The following PAH variants were observed in gnomAD, a reference collection of about 807,000 sequenced individuals.
PAH encodes the protein phenylalanine hydroxylase.
Under a neutral mutation model 62.0 loss-of-function variants are expected in PAH, and 64 were observed. The ratio of observed to expected loss-of-function variants is 1.03; its 90% CI spans 0.84 to 1.27. PAH has a LOEUF of 1.27. PAH is among the 50% of genes most tolerant of loss of function. The pLI is 0.00. For synonymous variants in PAH, 195 were observed against 196.2 expected, an observed-to-expected ratio of 0.99 and a Z score of 0.05; for missense variants, 579 against 542.8, an observed-to-expected ratio of 1.07 and a Z score of -0.66.
At chr12:102,921,540 AT>A (rs1403689508), upstream of PAH, among the ~76,000 whole-genome samples, 1 of 152,206 alleles carries the variant, frequency 6.6e-6, no homozygotes, top group Admixed American at 6.5e-5. Flanking sequence ...TAACAAGTCC[AT>A]CCTTTTAAAA....
chr12:102,855,194 G>C lies in PAH; in HGVS notation c.648C>G (p.Tyr216Ter), dbSNP rs62509013. Residue 216 changes from tyrosine to a stop codon, truncating the protein, a stop_gained, in exon 6 of 13, where the codon TAC (tyrosine) becomes TAG (stop). Transcript: ENST00000553106. LOFTEE classifies it high-confidence loss of function. ...GAATGTTATCTTCATGGAAGCCACA[G>C]TACTTTTCAAGAAGTGGAAAAATGT... ...YNHIFPLLEK[Y>*]CGFHEDNIPQ... 8.7e-6 allele frequency: 14 copies of C among 1,614,156 alleles called. No individual in the cohort carries two copies. The highest frequency in any genetic ancestry group is 1.1e-5 in the Non-Finnish European group (13 of 1,179,982).
intron 4 of PAH, among the ~76,000 whole-genome samples, chr12:102,868,130 A>G (rs1393084856): frequency 2.5e-3 from 16 of 6,368 alleles, no homozygotes; most frequent in South Asian, 5.7e-3. Context: ...ATATGTGTAT[A>G]TATATATATA....
intron 3 of PAH, among the ~76,000 whole-genome samples, chr12:102,884,243 G>T (rs1876937928): frequency 1.3e-5 from 2 of 152,240 alleles, no homozygotes; most frequent in Non-Finnish European, 2.9e-5. Flanking sequence ...CAAAGCCTGA[G>T]GAACAAGACC....
intron 1 of PAH, among the ~76,000 whole-genome samples, chr12:102,956,295 G>T (rs960852704): frequency 6.6e-6 from 1 of 152,230 alleles, no homozygotes; most frequent in Non-Finnish European, 1.5e-5. Flanking sequence ...GGGGCCTATT[G>T]CTTGGTCTGC....
At chr12:102,847,018 T>C in intron 8 of PAH, 67 bp from the exon 9 acceptor site, 1 of 1,387,218 alleles carries the variant, frequency 7.2e-7, no homozygotes, top group Non-Finnish European at 1.0e-6. Flanking sequence ...AACCTAGTAC[T>C]TGGCCATAAA....
At chr12:102,858,520 T>A (rs1396263395) in intron 5 of PAH, among the ~76,000 whole-genome samples, 1 of 152,272 alleles carries the variant, frequency 6.6e-6, no homozygotes, top group African/African-American at 2.4e-5. Flanking sequence ...CAACAGAATA[T>A]ACATTCTTCT....
At chr12:102,901,500 G>C (rs1877759434) in intron 2 of PAH, among the ~76,000 whole-genome samples, 1 of 152,136 alleles carries the variant, frequency 6.6e-6, no homozygotes. Flanking sequence ...ACTTGGTATA[G>C]ATACCCATTT....
chr12:102,917,207 T>C lies in PAH; in HGVS notation c.-77A>G, dbSNP rs951121083. On this transcript the variant is annotated 5_prime_UTR_variant, in exon 1 of 13. Coordinates refer to ENST00000553106, the MANE Select transcript of PAH (RefSeq NM_000277.3). ...CAGGTTTGCAAACAGCACGTGGGGC[T>C]GAAGGTTTTAACCTCGCACTAGGGA... 47 of 1,312,908 alleles carry C rather than the reference T, an allele frequency of 3.6e-5. No homozygotes were observed. The highest frequency in any genetic ancestry group is 1.8e-5 in the Non-Finnish European group (16 of 908,324). 81.3% of individuals were successfully genotyped at this position (1,312,908 alleles called of 1,614,324 possible). A position where few individuals can be genotyped will look rare whatever the true frequency, so the allele number is the denominator to read the frequency against.
At position 102,852,846 on chromosome 12, in the gene PAH, G is replaced by A. The variant is rs62517164; in HGVS notation, c.811C>T (p.His271Tyr). 10 of 1,613,986 alleles carry A rather than the reference G, an allele frequency of 6.2e-6. No individual in the cohort carries two copies. The highest frequency in any genetic ancestry group is 5.9e-6 in the Non-Finnish European group (7 of 1,180,000). ...RVFHCTQYIR[H>Y]GSKPMYTPEP... is the part of the protein sequence containing the mutation. ...GGGGTATACATGGGCTTGGATCCAT[G>A]TCTGATGTACTGTGTGCAGTGGAAG... Residue 271 changes from histidine (H) to tyrosine (Y), a missense_variant, in exon 7 of 13, where the codon CAT becomes TAT. By Grantham distance (83) the His-to-Tyr change is moderately conservative. Transcript: ENST00000553106.
At chr12:102,893,776 A>G (rs1203872044) in intron 3 of PAH, among the ~76,000 whole-genome samples, 1 of 152,246 alleles carries the variant, frequency 6.6e-6, no homozygotes, top group Non-Finnish European at 1.5e-5. Context: ...TCCTCCCCGG[A>G]GGATGAGTAG....
intron 1 of PAH, among the ~76,000 whole-genome samples, chr12:102,949,244 A>G (rs1879636501): frequency 1.3e-5 from 2 of 152,150 alleles, no homozygotes; most frequent in African/African-American, 2.4e-5. Context: ...TGCTGACCCA[A>G]TGACATTGCC....
chr12:102,922,989 T>C (rs73393515), intron 1 of PAH, among the ~76,000 whole-genome samples: 4,807 of 152,262 alleles, frequency 0.032, 262 homozygotes, highest in African/African-American at 0.11. Context: ...CCAACTTACA[T>C]TTTACCAACA....
chr12:102,894,628 A>G lies in PAH; in HGVS notation c.352+107T>C. 1.2e-5 allele frequency: 10 copies of G among 851,094 alleles called. No individual in the cohort carries two copies. The South Asian group carries it at 1.5e-4, about 13-fold the overall frequency. 52.7% of individuals were successfully genotyped at this position (851,094 alleles called of 1,614,324 possible). A position where few individuals can be genotyped will look rare whatever the true frequency, so the allele number is the denominator to read the frequency against. ...TGCTTCCGCAAAATAACAGCAATAT[A>G]TATTAAATATACATATATTTAAATA... On this transcript the variant is annotated intron_variant, in intron 3 of 12. Transcript: ENST00000553106.
intron 5 of PAH, among the ~76,000 whole-genome samples, chr12:102,865,631 C>T (rs185131215): frequency 2.0e-5 from 3 of 152,296 alleles, no homozygotes; most frequent in Admixed American, 2.0e-4. Context: ...GGGAGGTCAC[C>T]ATCTTCTGTG....
intron 1 of PAH, among the ~76,000 whole-genome samples, chr12:102,930,337 T>C (rs1878815178): frequency 6.6e-6 from 1 of 152,044 alleles, no homozygotes; most frequent in South Asian, 2.1e-4. Flanking sequence ...AGAGGAACTC[T>C]AGAAATGAGT....
At chr12:102,946,767 GC>G (rs1263952519) in intron 1 of PAH, 6 of 152,186 alleles carry the variant, frequency 3.9e-5, no homozygotes, top group Admixed American at 1.3e-4. Context: ...TTATGAAGAT[GC>G]TTTTTTGTGT....
intron 4 of PAH, among the ~76,000 whole-genome samples, chr12:102,869,803 C>T (rs10778203): frequency 0.23 from 34,295 of 152,036 alleles, 4,783 homozygotes; most frequent in East Asian, 0.75. Flanking sequence ...GGCTACCAGA[C>T]GACCACAGGG....
intron 2 of PAH, among the ~76,000 whole-genome samples, chr12:102,903,081 C>G (rs1383014335): frequency 6.6e-6 from 1 of 152,242 alleles, no homozygotes; most frequent in Non-Finnish European, 1.5e-5. Flanking sequence ...ACCCTGTGGG[C>G]TGGGCACGGT....
At chr12:102,845,680 G>A (rs917039590) in intron 9 of PAH, among the ~76,000 whole-genome samples, 5 of 152,060 alleles carry the variant, frequency 3.3e-5, no homozygotes, top group Admixed American at 1.3e-4. Context: ...CTGTTTATTG[G>A]ACTAGAAAAT....
Sources: allele counts gnomAD v4.1 joint callset (sites outside exome capture counted in the v4.1 genomes callset), GRCh38; gene constraint gnomAD v4.1.1; transcripts MANE v1.5; gene names NCBI Gene and HGNC (gene_info 2026-07-23, HGNC 2026-07-21).